The following CSMD1 variants were observed in gnomAD, a reference collection of about 807,000 sequenced individuals.
CSMD1 encodes CUB and Sushi multiple domains 1, also known as CUB and sushi domain-containing protein 1.
CSMD1 carries 213 observed loss-of-function variants against 417.5 expected under a neutral mutation model. The ratio of observed to expected loss-of-function variants is 0.51; its 90% CI spans 0.46 to 0.57. The LOEUF (loss-of-function observed/expected upper bound fraction) is 0.57, where lower values mean the gene tolerates loss of function less well. Among genes scored for constraint, CSMD1 ranks in the 20% least tolerant of loss-of-function variants. The probability of loss-of-function intolerance (pLI) is 0.00; values close to 1 mark genes in which losing one functional copy is unlikely to be tolerated. For missense variants in CSMD1, 6,923 were observed against 4,529.7 expected (o/e 1.53, Z -15.17); for synonymous variants, 2,862 against 1,736.8 (o/e 1.65, Z -16.11).
At chr8:4,117,406 G>T (rs1356280679) in intron 3 of CSMD1, among the ~76,000 whole-genome samples, 1 of 151,928 alleles carries the variant, frequency 6.6e-6, no homozygotes, top group South Asian at 2.1e-4. Context: ...CTGAACCTCT[G>T]CCTGCCGCAA....
In CSMD1 at chr8:3,189,972, G is replaced by T; in HGVS notation, c.5338C>A (p.His1780Asn). 3 of 1,598,320 alleles carry T rather than the reference G, an allele frequency of 1.9e-6. No homozygotes were observed. Among genetic ancestry groups the T allele is most frequent in the Non-Finnish European group, 8.5e-7 (1 of 1,172,822 alleles). The change falls in exon 34 of 70, where the codon CAC becomes AAC. Residue 1780 changes from histidine to asparagine, a missense_variant. Coordinates refer to ENST00000635120, the MANE Select transcript of CSMD1 (RefSeq NM_033225.6). ...AAGGCGTTGGGCACGGACTGGCAGT[G>T]GAGCGCCGTGGAACCCTGAAGCAGG... is the stretch of plus-strand genomic sequence containing the variant. ...GYLLQGSTALHCQSVPNALAQ... is the reference protein window; with the variant it reads ...GYLLQGSTALNCQSVPNALAQ...
chr8:4,582,543 G>A (rs929706674), intron 2 of CSMD1, among the ~76,000 whole-genome samples: 2 of 152,192 alleles, frequency 1.3e-5, no homozygotes, highest in Non-Finnish European at 2.9e-5. Context: ...TGAGAGATCA[G>A]GAAGGAAGAC....
Position 3,660,355 on chromosome 8 carries a change from G to A in CSMD1, c.1010-43558C>T, listed in dbSNP as rs192665114. Among the ~76,000 whole-genome samples the A allele has an allele frequency of 1.5e-4, 23 of 152,174 alleles. No individual in the cohort carries two copies. The East Asian group carries it at 3.1e-3, about 21-fold the overall frequency. ...TATTGACAGGACTGAAAGTATTAGC[G>A]ATCTTCCCAGGGACCAGCACAGAAA... On this transcript the variant is annotated intron_variant, in intron 7 of 69. Transcript: ENST00000635120.
chr8:3,562,387 CGT>C (rs1799506095), intron 10 of CSMD1, among the ~76,000 whole-genome samples: 1 of 151,784 alleles, frequency 6.6e-6, no homozygotes, highest in Non-Finnish European at 1.5e-5. Flanking sequence ...CACACACACA[CGT>C]ACACACATGC....
intron 25 of CSMD1, among the ~76,000 whole-genome samples, chr8:3,296,244 G>C (rs73660637): frequency 0.038 from 5,713 of 151,828 alleles, 361 homozygotes; most frequent in African/African-American, 0.13. Flanking sequence ...AAGGAGTTAA[G>C]GGTGTTTGTC....
At chr8:4,944,386 C>T (rs1055271268) in intron 1 of CSMD1, among the ~76,000 whole-genome samples, 1 of 152,184 alleles carries the variant, frequency 6.6e-6, no homozygotes, top group African/African-American at 2.4e-5. Flanking sequence ...ATGCTCAACA[C>T]ACTATTCAGA....
intron 5 of CSMD1, among the ~76,000 whole-genome samples, chr8:3,814,068 T>C (rs1335698127): frequency 3.3e-5 from 5 of 152,158 alleles, no homozygotes; most frequent in Non-Finnish European, 7.4e-5. Context: ...TTCTGCAAAA[T>C]GTGTTTCAAA....
Position 4,023,862 on chromosome 8 carries a change from C to T in CSMD1, c.610+8043G>A, listed in dbSNP as rs183688707. Reference sequence around the variant, plus strand: ...TCGATCTCCTGACCTCGGGATCTGCCCGCCTTGGCCTCCCAAAGTGCTGGG... The same window carrying T: ...TCGATCTCCTGACCTCGGGATCTGCTCGCCTTGGCCTCCCAAAGTGCTGGG... On this transcript the variant is annotated intron_variant, in intron 4 of 69. Transcript: ENST00000635120. Among the ~76,000 whole-genome samples the T allele has an allele frequency of 7.4e-5, 11 of 149,338 alleles. No homozygotes were observed. The East Asian group carries it at 1.6e-3, about 22-fold the overall frequency.
intron 1 of CSMD1, among the ~76,000 whole-genome samples, chr8:4,767,098 A>G (rs886246811): frequency 5.3e-5 from 8 of 152,174 alleles, no homozygotes; most frequent in Non-Finnish European, 1.2e-4. Context: ...CCAACTTTTT[A>G]TATCTAAAAA....
At chr8:3,827,927 A>G (rs12681668) in intron 5 of CSMD1, among the ~76,000 whole-genome samples, 51,384 of 152,114 alleles carry the variant, frequency 0.34, 9,408 homozygotes, top group East Asian at 0.61. Flanking sequence ...GCACTATTTA[A>G]AAGAGAAAAT....
intron 5 of CSMD1, among the ~76,000 whole-genome samples, chr8:3,928,938 C>A (rs941453402): frequency 1.3e-5 from 2 of 150,264 alleles, no homozygotes; most frequent in Non-Finnish European, 3.0e-5. Context: ...TATCAACCTG[C>A]AATAAAATGA....
chr8:4,202,570 G>T (rs1799722575), intron 3 of CSMD1, among the ~76,000 whole-genome samples: 1 of 152,112 alleles, frequency 6.6e-6, no homozygotes, highest in Non-Finnish European at 1.5e-5. Context: ...AATTACTCCT[G>T]TATTCATTCA....
intron 54 of CSMD1, among the ~76,000 whole-genome samples, chr8:2,990,207 G>A (rs1483549552): frequency 6.6e-6 from 1 of 152,186 alleles, no homozygotes; most frequent in Non-Finnish European, 1.5e-5. Context: ...CCTTGCAGCT[G>A]CATGAGCAAG....
At chr8:4,468,050 C>T (rs1386448093) in intron 2 of CSMD1, among the ~76,000 whole-genome samples, 6 of 148,986 alleles carry the variant, frequency 4.0e-5, no homozygotes, top group Middle Eastern at 3.5e-3. Context: ...ACAGGCCCTG[C>T]CTCCTGTCCG....
chr8:3,985,954 C>A (rs958790315), intron 5 of CSMD1, among the ~76,000 whole-genome samples: 1 of 151,820 alleles, frequency 6.6e-6, no homozygotes, highest in African/African-American at 2.4e-5. Flanking sequence ...TAATTCTAGC[C>A]TAAAAGTTTC....
chr8:4,137,347 T>A (rs1023082582), intron 3 of CSMD1, among the ~76,000 whole-genome samples: 2 of 141,942 alleles, frequency 1.4e-5, no homozygotes, highest in African/African-American at 4.9e-5. Flanking sequence ...CTCAGACATG[T>A]TGAATAGAGA....
At chr8:4,944,878 T>C (rs968074120) in intron 1 of CSMD1, among the ~76,000 whole-genome samples, 4 of 151,986 alleles carry the variant, frequency 2.6e-5, no homozygotes, top group Non-Finnish European at 4.4e-5. Flanking sequence ...AAAACTGCCA[T>C]ATAATAGAGG....
At chr8:4,584,326 A>G (rs2725031) in intron 2 of CSMD1, among the ~76,000 whole-genome samples, 50,935 of 151,596 alleles carry the variant, frequency 0.34, 8,688 homozygotes, top group African/African-American at 0.37. Flanking sequence ...ATCGCCGAGT[A>G]GTGAGACAAT....
intron 3 of CSMD1, among the ~76,000 whole-genome samples, chr8:4,119,685 C>G (rs1266279836): frequency 6.6e-6 from 1 of 152,208 alleles, no homozygotes; most frequent in African/African-American, 2.4e-5. Flanking sequence ...GAAGAGAGTC[C>G]TCCCAGAACC....
Sources: allele counts gnomAD v4.1 joint callset (sites outside exome capture counted in the v4.1 genomes callset), GRCh38; gene constraint gnomAD v4.1.1; transcripts MANE v1.5; gene names NCBI Gene and HGNC (gene_info 2026-07-23, HGNC 2026-07-21).